N4BP1: variants seen among roughly 807,000 people sequenced by gnomAD.
N4BP1 encodes the protein NEDD4 binding protein 1, also known as NEDD4-binding protein 1.
A neutral mutation model predicts 70.9 loss-of-function variants in N4BP1; 21 were observed. The ratio of observed to expected loss-of-function variants is 0.30; its 90% CI spans 0.21 to 0.43. The LOEUF is 0.43. Ranked by LOEUF, N4BP1 falls within the 20% of genes least tolerant of loss-of-function variation. The pLI, the probability that N4BP1 is intolerant of heterozygous loss-of-function variation, is 1.00. For missense variants in N4BP1, 936 were observed against 1,069.4 expected (o/e 0.88, Z 1.74); for synonymous variants, 387 against 394.6 (o/e 0.98, Z 0.23).
intron 1 of N4BP1, among the ~76,000 whole-genome samples, chr16:48,590,185 C>G (rs1185221687): frequency 6.6e-6 from 1 of 152,158 alleles, no homozygotes; most frequent in African/African-American, 2.4e-5. Context: ...GATCCATATT[C>G]TGGCTCAACC....
At chr16:48,564,715 G>T (rs957814653) in intron 1 of N4BP1, among the ~76,000 whole-genome samples, 4 of 152,160 alleles carry the variant, frequency 2.6e-5, no homozygotes, top group African/African-American at 9.7e-5. Context: ...AATTTTATCA[G>T]CAATTGTGCT....
chr16:48,542,912 A>G lies in N4BP1; in HGVS notation c.2683T>C (p.Leu895=). ...KDLNALSAMV[L]D is the part of the protein sequence containing the mutation. Reference sequence around the variant, plus strand: ...AGCGCTCAGCACAATCTTCAATCCAACACCATGGCAGAAAGCGCATTTAGA... The same window carrying G: ...AGCGCTCAGCACAATCTTCAATCCAGCACCATGGCAGAAAGCGCATTTAGA... The change falls in exon 7 of 7, where the codon TTG becomes CTG. Residue 895 remains leucine, a synonymous_variant. Coordinates refer to ENST00000262384, the MANE Select transcript of N4BP1 (RefSeq NM_153029.4). The G allele has an allele frequency of 6.2e-7, 1 of 1,606,508 alleles. No individual in the cohort carries two copies. The highest frequency in any genetic ancestry group is 8.5e-7 in the Non-Finnish European group (1 of 1,174,366).
chr16:48,542,751 C>A lies in N4BP1; in HGVS notation c.*153G>T. 3.2e-6 allele frequency: 2 copies of A among 621,380 alleles called. No homozygotes were observed. The highest frequency in any genetic ancestry group is 3.7e-5 in the Admixed American group (1 of 26,990). 38.5% of individuals were successfully genotyped at this position (621,380 alleles called of 1,614,324 possible). Reference sequence around the variant, plus strand: ...ATAGAAAAAAGCTGGTTTTGAAAACCCAGATTTATACCCAAAACATTTTTT... The same window carrying A: ...ATAGAAAAAAGCTGGTTTTGAAAACACAGATTTATACCCAAAACATTTTTT... On this transcript the variant is annotated 3_prime_UTR_variant, in exon 7 of 7. Coordinates refer to ENST00000262384, the MANE Select transcript of N4BP1 (RefSeq NM_153029.4).
intron 1 of N4BP1, among the ~76,000 whole-genome samples, chr16:48,569,580 T>C (rs555695026): frequency 1.1e-4 from 17 of 152,132 alleles, no homozygotes; most frequent in Admixed American, 5.9e-4. Context: ...TTTGAAGAGA[T>C]AGGGTTTCTC....
intron 1 of N4BP1, among the ~76,000 whole-genome samples, chr16:48,565,379 G>A (rs1339130753): frequency 1.3e-5 from 2 of 152,154 alleles, no homozygotes; most frequent in Non-Finnish European, 2.9e-5. Flanking sequence ...TTTGTCAAAT[G>A]CTTTACTCCA....
chr16:48,602,990 A>ACACG (rs1184633762), intron 1 of N4BP1, among the ~76,000 whole-genome samples: 3 of 151,916 alleles, frequency 2.0e-5, no homozygotes, highest in Non-Finnish European at 1.5e-5. Flanking sequence ...TCACACACAC[A>ACACG]CACGCACGCA....
chr16:48,586,621 T>C (rs1284454759), intron 1 of N4BP1, among the ~76,000 whole-genome samples: 3 of 152,244 alleles, frequency 2.0e-5, no homozygotes, highest in Non-Finnish European at 4.4e-5. Flanking sequence ...GCCAGTAATT[T>C]ATCCTTTTCC....
chr16:48,573,380 TCA>T (rs1320679765), intron 1 of N4BP1, among the ~76,000 whole-genome samples: 2 of 152,106 alleles, frequency 1.3e-5, no homozygotes, highest in Admixed American at 1.3e-4. Flanking sequence ...TTGTTTGAGG[TCA>T]GGAGTTCAAG....
intron 1 of N4BP1, among the ~76,000 whole-genome samples, chr16:48,594,385 T>C (rs1291967721): frequency 1.3e-5 from 2 of 152,172 alleles, no homozygotes; most frequent in East Asian, 3.9e-4. Flanking sequence ...GACAAGGTCT[T>C]GCTCTGTTGC....
At chr16:48,576,204 A>T (rs1188290568) in intron 1 of N4BP1, among the ~76,000 whole-genome samples, 1 of 152,218 alleles carries the variant, frequency 6.6e-6, no homozygotes, top group African/African-American at 2.4e-5. Flanking sequence ...TTAATCTGTA[A>T]GTCTATAACA....
At chr16:48,603,473 T>G (rs910839629) in intron 1 of N4BP1, among the ~76,000 whole-genome samples, 1 of 152,096 alleles carries the variant, frequency 6.6e-6, no homozygotes, top group Non-Finnish European at 1.5e-5. Flanking sequence ...GCCAAACAAG[T>G]AGCTGTGCCA....
At chr16:48,597,681 T>C (rs1964436704) in intron 1 of N4BP1, among the ~76,000 whole-genome samples, 1 of 152,124 alleles carries the variant, frequency 6.6e-6, no homozygotes, top group South Asian at 2.1e-4. Context: ...ATATCTACAC[T>C]TTGGCCCACT....
At chr16:48,556,991 C>T (rs906772891) in intron 2 of N4BP1, among the ~76,000 whole-genome samples, 2 of 152,132 alleles carry the variant, frequency 1.3e-5, no homozygotes, top group African/African-American at 2.4e-5. Context: ...TAGCCATACA[C>T]CACAAACAAT....
At chr16:48,547,627 T>G (rs1009771752) in intron 5 of N4BP1, among the ~76,000 whole-genome samples, 1 of 152,266 alleles carries the variant, frequency 6.6e-6, no homozygotes, top group African/African-American at 2.4e-5. Flanking sequence ...CCTTTCCTCT[T>G]GCTGGAATCC....
At chr16:48,607,000 A>C (rs1964592519) in intron 1 of N4BP1, among the ~76,000 whole-genome samples, 1 of 152,232 alleles carries the variant, frequency 6.6e-6, no homozygotes, top group South Asian at 2.1e-4. Context: ...AAAGTAAAAC[A>C]AACTCCAAAA....
intron 1 of N4BP1, among the ~76,000 whole-genome samples, chr16:48,565,695 G>A (rs924499317): frequency 2.0e-5 from 3 of 152,184 alleles, no homozygotes; most frequent in Admixed American, 6.5e-5. Flanking sequence ...AGACTGTGTA[G>A]AATTGATGTT....
intron 3 of N4BP1, 53 bp downstream of exon 3, chr16:48,553,476 TGCAATTATAA>T (rs1290732077): frequency 6.8e-7 from 1 of 1,466,824 alleles, no homozygotes. Flanking sequence ...TAGCATGTGT[TGCAATTATAA>T]GCCAACTCAT....
Position 48,562,073 on chromosome 16 carries a change from T to G in N4BP1, c.570A>C (p.Thr190=). 1 of 1,613,844 alleles carries G rather than the reference T, an allele frequency of 6.2e-7. No homozygotes were observed. Among genetic ancestry groups the G allele is most frequent in the South Asian group, 1.1e-5 (1 of 91,072 alleles). ...TTTCAAAGAGATTCTCCTCACCTTG[T>G]GTGAGTGTCAAAAGTTCTTTTTTCA... ...TSLKKELLTL[T]QGEENLFETG... The change falls in exon 2 of 7, where the codon ACA becomes ACC. Residue 190 remains threonine (T), a synonymous_variant. Transcript: ENST00000262384.
At chr16:48,609,629 A>T in intron 1 of N4BP1, 146 bp downstream of exon 1, 2 of 640,894 alleles carry the variant, frequency 3.1e-6, no homozygotes, top group Non-Finnish European at 4.5e-6. Context: ...ATGGCTCGCG[A>T]GCCGAAAAGG....
Sources: gnomAD v4.1 joint callset for allele counts (sites outside exome capture counted in the v4.1 genomes callset) on GRCh38, gnomAD v4.1.1 for gene constraint, MANE v1.5 for transcripts, NCBI Gene and HGNC (gene_info 2026-07-23, HGNC 2026-07-21) for gene names.